PABIR2: variants seen among roughly 807,000 people sequenced by gnomAD.
PABIR2 encodes the protein PABIR family member 2.
A neutral mutation model predicts 22.8 loss-of-function variants in PABIR2; 7 were observed. The ratio of observed to expected loss-of-function variants is 0.31; its 90% CI spans 0.17 to 0.58. The LOEUF (loss-of-function observed/expected upper bound fraction) is 0.58. Ranked by LOEUF, PABIR2 falls within the 20% of genes least tolerant of loss-of-function variation. The probability of loss-of-function intolerance (pLI) is 0.89; values close to 1 mark genes in which losing one functional copy is unlikely to be tolerated. For synonymous variants in PABIR2, 67 were observed against 73.8 expected (o/e 0.91, Z 0.47); for missense variants, 155 against 205.1 (o/e 0.76, Z 1.49).
In PABIR2 at chrX:134,782,529, A is replaced by G. The variant is rs771352830; in HGVS notation, c.563-612T>C. 3.8e-5 allele frequency among the ~76,000 whole-genome samples: 4 copies of G among 106,319 alleles called. No homozygotes were observed. In the South Asian group the frequency reaches 1.5e-3, roughly 40 times the overall value. The allele number at this position is 106,319 out of a possible 115,157, so 92.3% of individuals were successfully genotyped here. A position where few individuals can be genotyped will look rare whatever the true frequency, so the allele number is the denominator to read the frequency against. ...CAGATCTTCTCAGAATTGCTAATAG[A>G]AAAACTTTGCACCAACAGGGATAAT... On this transcript the variant is annotated intron_variant, in intron 8 of 9. Transcript: ENST00000343004.
chrX:134,775,374 C>T (rs755355367), intron 9 of PABIR2, among the ~76,000 whole-genome samples: 1 of 108,924 alleles, frequency 9.2e-6, no homozygotes, highest in African/African-American at 3.3e-5. Context: ...AAAAATTAGC[C>T]AGGCGTGGTG....
chrX:134,784,072 C>T (rs1412996266), intron 8 of PABIR2, among the ~76,000 whole-genome samples: 3 of 104,256 alleles, frequency 2.9e-5, no homozygotes, highest in African/African-American at 1.1e-4. Context: ...CAGAGCAAGA[C>T]CTTGCCTCAA....
At chrX:134,788,617 C>T in intron 6 of PABIR2, 113 bp downstream of exon 6, 1 of 480,267 alleles carries the variant, frequency 2.1e-6, no homozygotes, top group Non-Finnish European at 3.3e-6. Flanking sequence ...TGTAGATTTT[C>T]ATTGATTTTC....
At chrX:134,795,640 A>G (rs1176359529) in intron 1 of PABIR2, among the ~76,000 whole-genome samples, 1 of 112,481 alleles carries the variant, frequency 8.9e-6, no homozygotes, top group Non-Finnish European at 1.9e-5. Flanking sequence ...ATCACGTACT[A>G]CGATGTGAAC....
At chrX:134,782,276 A>G (rs913942661) in intron 8 of PABIR2, among the ~76,000 whole-genome samples, 7 of 112,433 alleles carry the variant, frequency 6.2e-5, no homozygotes, top group Non-Finnish European at 1.3e-4. Context: ...CTACATGGTT[A>G]GCAAGGCCTA....
chrX:134,781,853 T>C lies in PABIR2; in HGVS notation c.627A>G (p.Pro209=). The C allele has an allele frequency of 8.3e-7, 1 of 1,202,699 alleles. No homozygotes were observed. ...TGAGATCAGACAGTTGCGCGGCATC[T>C]GGAGATAACATATTGGTAGTGCCTT... ...LFQGTTNMLS[P]DAAQLSDLSS... Residue 209 remains proline (P), a synonymous_variant, in exon 9 of 10, where the codon CCA becomes CCG. Coordinates refer to ENST00000343004, the MANE Select transcript of PABIR2 (RefSeq NM_001387468.1).
chrX:134,780,194 T>G (rs1316794509), intron 9 of PABIR2, among the ~76,000 whole-genome samples: 1 of 112,925 alleles, frequency 8.9e-6, no homozygotes, highest in Non-Finnish European at 1.9e-5. Context: ...TCATCCATTC[T>G]TATAGCTTAT....
chrX:134,788,438 T>C (rs1455665845), intron 6 of PABIR2, among the ~76,000 whole-genome samples: 1 of 103,109 alleles, frequency 9.7e-6, no homozygotes, highest in Non-Finnish European at 2.0e-5. Flanking sequence ...TATATACACG[T>C]TATATATGTG....
At chrX:134,774,353 C>T (rs1234349323) in intron 9 of PABIR2, among the ~76,000 whole-genome samples, 2 of 111,944 alleles carry the variant, frequency 1.8e-5, no homozygotes, top group Non-Finnish European at 3.8e-5. Context: ...TCCTAAAGCA[C>T]ATATTGGCCG....
chrX:134,776,806 A>G (rs1191538131), intron 9 of PABIR2, among the ~76,000 whole-genome samples: 1 of 112,044 alleles, frequency 8.9e-6, no homozygotes, highest in African/African-American at 3.2e-5. Context: ...TGGGTGGGGC[A>G]GGGAATAGAC....
chrX:134,791,768 G>A (rs1184652764), intron 2 of PABIR2: 2 of 290,482 alleles, frequency 6.9e-6, no homozygotes, highest in East Asian at 2.1e-4. Flanking sequence ...TGGTTACACT[G>A]GAAGCGGACA....
At chrX:134,776,894 T>C (rs1289419263) in intron 9 of PABIR2, among the ~76,000 whole-genome samples, 2 of 112,253 alleles carry the variant, frequency 1.8e-5, no homozygotes, top group African/African-American at 3.2e-5. Context: ...GGGCAGTTGT[T>C]TCTGTAGTTT....
chrX:134,771,261 A>G lies in PABIR2; in HGVS notation c.*878T>C. 8.7e-7 allele frequency: 1 copy of G among 1,147,329 alleles called. No homozygotes were observed. Among genetic ancestry groups the G allele is most frequent in the Non-Finnish European group, 1.2e-6 (1 of 868,294 alleles). 94.6% of individuals were successfully genotyped at this position (1,147,329 alleles called of 1,213,427 possible). On this transcript the variant is annotated 3_prime_UTR_variant, in exon 10 of 10. Coordinates refer to ENST00000343004, the MANE Select transcript of PABIR2 (RefSeq NM_001387468.1). ...CTGACAGCTCCATGGACGCTTTTGT[A>G]CACAGTGGTTTGTGTGTAAATAACT...
intron 9 of PABIR2, among the ~76,000 whole-genome samples, chrX:134,781,173 G>A (rs1305724816): frequency 2.7e-5 from 3 of 112,758 alleles, no homozygotes; most frequent in Admixed American, 1.9e-4. Flanking sequence ...AGCTGGGAAC[G>A]AAAGCGAAGG....
In PABIR2 at chrX:134,796,152, T is replaced by A; in HGVS notation, c.54A>T (p.Gly18=). 2 of 1,210,463 alleles carry A rather than the reference T, an allele frequency of 1.7e-6. No homozygotes were observed. Among genetic ancestry groups the A allele is most frequent in the Non-Finnish European group, 2.2e-6 (2 of 895,214 alleles). The change falls in exon 1 of 10, where the codon GGA becomes GGT. Residue 18 remains glycine, a synonymous_variant. Transcript: ENST00000343004. ...GAGCGCTGCTGGATCTCCTCAGGGT[T>A]CCCCCATAAGATGTGTCAGGCTCAA... The part of the protein sequence containing the change: ...LDLEPDTSYG[G]TLRRSSSAPL...
intron 7 of PABIR2, 54 bp downstream of exon 7, chrX:134,787,418 A>G: frequency 8.9e-7 from 1 of 1,125,287 alleles, no homozygotes; most frequent in Non-Finnish European, 1.2e-6. Flanking sequence ...CTAATCTGAG[A>G]GATAAATGTA....
intron 9 of PABIR2, among the ~76,000 whole-genome samples, chrX:134,778,818 CT>C (rs750442064): frequency 4.3e-4 from 45 of 104,768 alleles, no homozygotes; most frequent in African/African-American, 4.4e-4. Context: ...GACGCAACAA[CT>C]TTTTTTTTTT....
intron 9 of PABIR2, among the ~76,000 whole-genome samples, chrX:134,777,646 G>C (rs1174171564): frequency 9.1e-6 from 1 of 109,673 alleles, no homozygotes; most frequent in Non-Finnish European, 1.9e-5. Flanking sequence ...AGACCAGCCT[G>C]ACCAACATGA....
intron 9 of PABIR2, among the ~76,000 whole-genome samples, chrX:134,777,419 G>A (rs1031893135): frequency 1.8e-5 from 2 of 109,669 alleles, no homozygotes; most frequent in Non-Finnish European, 3.8e-5. Context: ...CCAGCTATTC[G>A]GGAGGCCGAG....
Sources: gnomAD v4.1 joint callset for allele counts (sites outside exome capture counted in the v4.1 genomes callset) on GRCh38, gnomAD v4.1.1 for gene constraint, MANE v1.5 for transcripts, NCBI Gene and HGNC (gene_info 2026-07-23, HGNC 2026-07-21) for gene names.